PPP6R3: variants seen among roughly 807,000 people sequenced by gnomAD.
The protein encoded by PPP6R3 is serine/threonine-protein phosphatase 6 regulatory subunit 3.
PPP6R3 carries 38 observed loss-of-function variants against 110.7 expected under a neutral mutation model. The observed-to-expected ratio is 0.34, with a 90% CI of 0.26 to 0.45. The LOEUF (loss-of-function observed/expected upper bound fraction) is 0.45, where lower values mean the gene tolerates loss of function less well. Among genes scored for constraint, PPP6R3 ranks in the 20% least tolerant of loss-of-function variants. The pLI is 1.00. For synonymous variants in PPP6R3, 369 were observed against 373.5 expected (o/e 0.99, Z 0.14); for missense variants, 870 against 1,062.4 (o/e 0.82, Z 2.52).
At chr11:68,519,102 G>A (rs2099151242) in intron 1 of PPP6R3, among the ~76,000 whole-genome samples, 1 of 152,196 alleles carries the variant, frequency 6.6e-6, no homozygotes, top group South Asian at 2.1e-4. Context: ...CTGCCAGGGG[G>A]CATTTAAAGG....
At chr11:68,529,461 C>A (rs1341993254) in intron 2 of PPP6R3, among the ~76,000 whole-genome samples, 1 of 152,210 alleles carries the variant, frequency 6.6e-6, no homozygotes, top group Non-Finnish European at 1.5e-5. Flanking sequence ...TCATGATCCA[C>A]CCACCTCAGC....
chr11:68,508,074 G>A (rs1226966566), intron 1 of PPP6R3, among the ~76,000 whole-genome samples: 2 of 147,850 alleles, frequency 1.4e-5, no homozygotes, highest in Non-Finnish European at 3.0e-5. Flanking sequence ...AGGATAGGGA[G>A]CAGATTACTA....
chr11:68,562,761 A>G (rs1433836819), intron 8 of PPP6R3, among the ~76,000 whole-genome samples: 1 of 152,208 alleles, frequency 6.6e-6, no homozygotes, highest in African/African-American at 2.4e-5. Context: ...AATTAACTCA[A>G]AATGGATGAT....
intron 1 of PPP6R3, among the ~76,000 whole-genome samples, chr11:68,515,320 C>T (rs1157207716): frequency 9.2e-5 from 14 of 152,412 alleles, no homozygotes; most frequent in African/African-American, 2.4e-4. Flanking sequence ...ACCAGCCTGT[C>T]GGGGGCTTGG....
intron 1 of PPP6R3, among the ~76,000 whole-genome samples, chr11:68,507,720 A>G (rs888818972): frequency 5.3e-5 from 8 of 152,314 alleles, no homozygotes; most frequent in East Asian, 1.9e-4. Context: ...TCCTGATGCC[A>G]GTTAAAAACT....
intron 20 of PPP6R3, 145 bp downstream of exon 20, chr11:68,600,639 C>A (rs1566137459): frequency 2.2e-6 from 2 of 889,104 alleles, no homozygotes; most frequent in East Asian, 5.4e-5. Flanking sequence ...AGCATACTAA[C>A]ACAGCTCTGT....
chr11:68,579,017 C>G (rs2099542820), intron 14 of PPP6R3, among the ~76,000 whole-genome samples: 1 of 152,110 alleles, frequency 6.6e-6, no homozygotes, highest in African/African-American at 2.4e-5. Context: ...CCCTCTTCCC[C>G]AAGGGGGAAA....
At chr11:68,583,945 G>A (rs570880631) in intron 15 of PPP6R3, among the ~76,000 whole-genome samples, 2 of 152,224 alleles carry the variant, frequency 1.3e-5, no homozygotes, top group African/African-American at 4.8e-5. Flanking sequence ...TCTAAGCTTC[G>A]TCTTAGATGA....
At chr11:68,478,646 A>AGTTTTTT (rs2098859762) in intron 1 of PPP6R3, among the ~76,000 whole-genome samples, 1 of 10,754 alleles carries the variant, frequency 9.3e-5, no homozygotes, top group South Asian at 3.5e-3. Flanking sequence ...GCACTTGGTA[A>AGTTTTTT]GTTTTTTTTT....
intron 8 of PPP6R3, among the ~76,000 whole-genome samples, chr11:68,559,055 C>T (rs527279744): frequency 6.6e-6 from 1 of 152,328 alleles, no homozygotes; most frequent in South Asian, 2.1e-4. Context: ...GGGTAGCTCT[C>T]CTGGCCATTC....
chr11:68,614,459 CATTT>C lies in PPP6R3; in HGVS notation c.*1343_*1346del. On this transcript the variant is annotated 3_prime_UTR_variant, in exon 24 of 24. Coordinates refer to ENST00000393800, the MANE Select transcript of PPP6R3 (RefSeq NM_001164161.2). ...GAAAATTATTCACGTATTTTTACATCATTTGTTTTTCCTGACCAGTATTTAAAAC... is the reference window on the plus strand; with the variant it reads ...GAAAATTATTCACGTATTTTTACATCGTTTTTCCTGACCAGTATTTAAAAC... The C allele has an allele frequency of 1.5e-6, 2 of 1,360,210 alleles. No homozygotes were observed. The highest frequency in any genetic ancestry group is 1.9e-6 in the Non-Finnish European group (2 of 1,060,318). 84.3% of individuals were successfully genotyped at this position (1,360,210 alleles called of 1,614,324 possible). A position where few individuals can be genotyped will look rare whatever the true frequency, so the allele number is the denominator to read the frequency against.
At position 68,535,790 on chromosome 11, in the gene PPP6R3, C is replaced by T. The variant is rs1402881660; in HGVS notation, c.-6-1869C>T. Among the ~76,000 whole-genome samples the T allele has an allele frequency of 4.9e-5, 7 of 143,844 alleles. No individual in the cohort carries two copies. In the East Asian group the frequency reaches 9.9e-4, roughly 20 times the overall value. 94.4% of individuals were successfully genotyped at this position (143,844 alleles called of 152,430 possible). A position where few individuals can be genotyped will look rare whatever the true frequency, so the allele number is the denominator to read the frequency against. On this transcript the variant is annotated intron_variant, in intron 2 of 23. Coordinates refer to ENST00000393800, the MANE Select transcript of PPP6R3 (RefSeq NM_001164161.2). ...CAGCTTGGCCAACATTGTGAAACCCCGTCTCTACTAAAAAAAAAAAAAAAA... is the reference window on the plus strand; with the variant it reads ...CAGCTTGGCCAACATTGTGAAACCCTGTCTCTACTAAAAAAAAAAAAAAAA...
chr11:68,591,182 A>G (rs1334448987), intron 17 of PPP6R3, among the ~76,000 whole-genome samples: 1 of 152,152 alleles, frequency 6.6e-6, no homozygotes, highest in Non-Finnish European at 1.5e-5. Flanking sequence ...TAAGGTAGGA[A>G]CTGCTGATTT....
At chr11:68,551,397 C>T (rs1235860540) in intron 6 of PPP6R3, among the ~76,000 whole-genome samples, 1 of 152,136 alleles carries the variant, frequency 6.6e-6, no homozygotes, top group East Asian at 1.9e-4. Context: ...CAACAGCAGG[C>T]CCTTGTTATA....
At chr11:68,568,363 T>C (rs1412083000) in intron 10 of PPP6R3, among the ~76,000 whole-genome samples, 2 of 152,226 alleles carry the variant, frequency 1.3e-5, no homozygotes, top group African/African-American at 4.8e-5. Context: ...TCTTTAGGAC[T>C]ACTTCTGATG....
chr11:68,477,149 G>T (rs1040337777), intron 1 of PPP6R3, among the ~76,000 whole-genome samples: 1 of 152,154 alleles, frequency 6.6e-6, no homozygotes, highest in Non-Finnish European at 1.5e-5. Flanking sequence ...GTGTTTAAAA[G>T]AATGTGTATT....
chr11:68,584,710 C>T (rs1325047192), intron 15 of PPP6R3, among the ~76,000 whole-genome samples: 2 of 152,176 alleles, frequency 1.3e-5, no homozygotes, highest in African/African-American at 4.8e-5. Context: ...AGCTCACGTG[C>T]GTACGAAGCC....
At chr11:68,500,494 T>C (rs903289198) in intron 1 of PPP6R3, among the ~76,000 whole-genome samples, 2 of 152,210 alleles carry the variant, frequency 1.3e-5, no homozygotes. Flanking sequence ...TTTTATTTTT[T>C]TGAGACGAAG....
chr11:68,465,613 C>A (rs896375774), intron 1 of PPP6R3, among the ~76,000 whole-genome samples: 20 of 152,202 alleles, frequency 1.3e-4, no homozygotes, highest in African/African-American at 4.8e-4. Context: ...TTCTAATATC[C>A]ATTTATTTCA....
Sources: gnomAD v4.1 joint callset for allele counts (sites outside exome capture counted in the v4.1 genomes callset) on GRCh38, gnomAD v4.1.1 for gene constraint, MANE v1.5 for transcripts, NCBI Gene and HGNC (gene_info 2026-07-23, HGNC 2026-07-21) for gene names.